The following TFG variants were observed in gnomAD, a reference collection of about 807,000 sequenced individuals.
TFG encodes protein TFG.
Under a neutral mutation model 51.4 loss-of-function variants are expected in TFG, and 22 were observed. The ratio of observed to expected loss-of-function variants is 0.43; its 90% confidence interval spans 0.31 to 0.61. The LOEUF is 0.61. Among genes scored for constraint, TFG ranks in the 20% least tolerant of loss-of-function variants. The probability of loss-of-function intolerance (pLI) is 0.12; values close to 1 mark genes in which losing one functional copy is unlikely to be tolerated. For synonymous variants in TFG, 187 were observed against 165.6 expected (o/e 1.13, Z -0.99); for missense variants, 419 against 487.7 (o/e 0.86, Z 1.33).
intron 3 of TFG, among the ~76,000 whole-genome samples, chr3:100,722,836 G>A (rs1462885365): frequency 1.3e-5 from 2 of 152,218 alleles, no homozygotes; most frequent in African/African-American, 2.4e-5. Flanking sequence ...ACCACTCATG[G>A]ACCCTTGTTA....
intron 6 of TFG, among the ~76,000 whole-genome samples, chr3:100,741,557 G>C (rs965330107): frequency 3.9e-5 from 6 of 152,082 alleles, no homozygotes; most frequent in Non-Finnish European, 8.8e-5. Flanking sequence ...AGTAAGCTAA[G>C]GTTAATTTAT....
intron 6 of TFG, among the ~76,000 whole-genome samples, chr3:100,741,203 T>TAGGTCCTTCAGAAGGTATTCCGGAAGA (rs2095120336): frequency 6.6e-6 from 1 of 152,130 alleles, no homozygotes; most frequent in African/African-American, 2.4e-5. Flanking sequence ...CAGGCTCAGA[T>TAGGTCCTTCAGAAGGTATTCCGGAAGA]AGGTCCTTCA....
At chr3:100,743,351 T>G (rs1212111389) in intron 6 of TFG, 1 of 152,224 alleles carries the variant, frequency 6.6e-6, no homozygotes, top group African/African-American at 2.4e-5. Context: ...TGATTATATT[T>G]CTGTACCTAC....
chr3:100,737,479 G>C (rs1444948927), intron 6 of TFG, among the ~76,000 whole-genome samples: 1 of 152,232 alleles, frequency 6.6e-6, no homozygotes, highest in Non-Finnish European at 1.5e-5. Context: ...ATGTGACTAA[G>C]TACTTAACTA....
In TFG at chr3:100,732,388, C is replaced by T. The variant is rs370894142; in HGVS notation, c.416-120C>T. The T allele has an allele frequency of 1.9e-4, 115 of 592,758 alleles. No individual in the cohort carries two copies. The South Asian group carries it at 3.2e-3, about 16-fold the overall frequency. 36.7% of individuals were successfully genotyped at this position (592,758 alleles called of 1,614,324 possible). A position where few individuals can be genotyped will look rare whatever the true frequency, so the allele number is the denominator to read the frequency against. ...TAAAATGATCTGTAATCCTATATTC[C>T]GACATGCTTAACATTCCAGACTATC... is the stretch of plus-strand genomic sequence containing the variant. On this transcript the variant is annotated intron_variant, in intron 4 of 7. Coordinates refer to ENST00000240851, the MANE Select transcript of TFG (RefSeq NM_006070.6).
At chr3:100,714,336 C>A (rs918609475) in intron 2 of TFG, among the ~76,000 whole-genome samples, 1 of 152,084 alleles carries the variant, frequency 6.6e-6, no homozygotes, top group Non-Finnish European at 1.5e-5. Context: ...CCTGTCTCTA[C>A]TAAAAATACC....
intron 4 of TFG, among the ~76,000 whole-genome samples, chr3:100,730,341 A>G (rs2149080233): frequency 6.6e-6 from 1 of 152,106 alleles, no homozygotes; most frequent in Middle Eastern, 3.4e-3. Flanking sequence ...TTGTGTCTAT[A>G]TTTTTTATAC....
chr3:100,716,553 T>C (rs2095046965), intron 2 of TFG, among the ~76,000 whole-genome samples: 1 of 152,216 alleles, frequency 6.6e-6, no homozygotes, highest in African/African-American at 2.4e-5. Flanking sequence ...TAGTTAAATA[T>C]TCAGTAGTGG....
In TFG at chr3:100,732,789, G is replaced by T. The variant is rs2095095491; in HGVS notation, c.580+117G>T. Reference sequence around the variant, plus strand: ...ATATGGTGAAGTGCACAAATCTTAAGGGTTCTGCTTAACAAATTTTTACAT... The same window carrying T: ...ATATGGTGAAGTGCACAAATCTTAATGGTTCTGCTTAACAAATTTTTACAT... On this transcript the variant is annotated intron_variant, in intron 5 of 7. Coordinates refer to ENST00000240851, the MANE Select transcript of TFG (RefSeq NM_006070.6). 5 of 884,770 alleles carry T rather than the reference G, an allele frequency of 5.7e-6. No homozygotes were observed. The East Asian group carries it at 1.1e-4, about 19-fold the overall frequency. 54.8% of individuals were successfully genotyped at this position (884,770 alleles called of 1,614,324 possible).
intron 2 of TFG, among the ~76,000 whole-genome samples, chr3:100,718,575 T>C (rs1367814259): frequency 1.7e-5 from 1 of 60,520 alleles, no homozygotes; most frequent in Non-Finnish European, 3.6e-5. Context: ...TTTTTTTTTT[T>C]GAGACAAAGT....
At chr3:100,713,417 A>G (rs182061215) in intron 1 of TFG, among the ~76,000 whole-genome samples, 1 of 152,354 alleles carries the variant, frequency 6.6e-6, no homozygotes, top group African/African-American at 2.4e-5. Context: ...GTCATGTCAG[A>G]TGAACAGTTA....
At chr3:100,732,291 G>A (rs2095093806) in intron 4 of TFG, among the ~76,000 whole-genome samples, 2 of 151,944 alleles carry the variant, frequency 1.3e-5, no homozygotes, top group Non-Finnish European at 2.9e-5. Flanking sequence ...GAAAGCTTTT[G>A]TTCATCTTCT....
Position 100,748,671 on chromosome 3 carries a change from G to C in TFG, c.*140G>C, listed in dbSNP as rs1271834377. The C allele has an allele frequency of 3.9e-5, 40 of 1,013,654 alleles. No homozygotes were observed. The allele number at this position is 1,013,654 out of a possible 1,614,324, so 62.8% of individuals were successfully genotyped here. On this transcript the variant is annotated 3_prime_UTR_variant, in exon 8 of 8. Transcript: ENST00000240851. ...TATGATATCATTGTTGGTGTTAATT[G>C]AAAGTATAATTTGCTGGAACACAAA...
chr3:100,729,405 T>C (rs1186439937), intron 4 of TFG, among the ~76,000 whole-genome samples: 3 of 152,204 alleles, frequency 2.0e-5, no homozygotes, highest in Admixed American at 6.5e-5. Context: ...TAATGACATG[T>C]ACTGTTTGTG....
intron 6 of TFG, among the ~76,000 whole-genome samples, chr3:100,738,390 T>C (rs1223641461): frequency 6.6e-6 from 1 of 152,230 alleles, no homozygotes; most frequent in East Asian, 1.9e-4. Flanking sequence ...TTAAGCAGTG[T>C]ATACTGTGAT....
At chr3:100,728,897 T>TA in intron 4 of TFG, 39 bp downstream of exon 4, 2 of 1,510,076 alleles carry the variant, frequency 1.3e-6, no homozygotes, top group Non-Finnish European at 1.8e-6. Flanking sequence ...TTATTGTTCT[T>TA]ACGTCTTTTT....
At chr3:100,711,153 T>G (rs117485319) in intron 1 of TFG, 9,373 of 152,132 alleles carry the variant, frequency 0.062, 529 homozygotes, top group Admixed American at 0.15. Context: ...CAGGCTGTAG[T>G]GCAGTGGCGT....
chr3:100,736,425 A>G lies in TFG; in HGVS notation c.581-151A>G, dbSNP rs536656549. On this transcript the variant is annotated intron_variant, in intron 5 of 7. Transcript: ENST00000240851. The stretch of plus-strand genomic sequence containing the variant: ...AAGAGATTGGAGCAAAGGAAAAAAT[A>G]AAGTACATACATTTAATGTAAAAAG... The G allele has an allele frequency of 1.0e-3, 774 of 775,962 alleles. 5 individuals are homozygous for G. The highest frequency in any genetic ancestry group is 3.5e-3 in the Middle Eastern group (9 of 2,542). 48.1% of individuals were successfully genotyped at this position (775,962 alleles called of 1,614,324 possible).
intron 6 of TFG, among the ~76,000 whole-genome samples, chr3:100,737,026 T>C (rs1435981201): frequency 6.6e-6 from 1 of 152,222 alleles, no homozygotes; most frequent in Admixed American, 6.5e-5. Context: ...TTTCACACTT[T>C]ATTTTGTGTT....
Sources: allele counts gnomAD v4.1 joint callset (sites outside exome capture counted in the v4.1 genomes callset), GRCh38; gene constraint gnomAD v4.1.1; transcripts MANE v1.5; gene names NCBI Gene and HGNC (gene_info 2026-07-23, HGNC 2026-07-21).